PPARGC1A: variants seen among roughly 807,000 people sequenced by gnomAD.
The protein encoded by PPARGC1A is peroxisome proliferator-activated receptor gamma coactivator 1-alpha.
In PPARGC1A, 25 loss-of-function variants were observed where a neutral mutation model predicts 88.7. The ratio of observed to expected loss-of-function variants is 0.28; its 90% CI spans 0.21 to 0.39. The LOEUF is 0.39. Ranked by LOEUF, PPARGC1A falls within the 10% of genes least tolerant of loss-of-function variation. The pLI is 1.00. For synonymous variants in PPARGC1A, 363 were observed against 355.6 expected (o/e 1.02, Z -0.24); for missense variants, 880 against 968.7 (o/e 0.91, Z 1.22).
intron 1 of PPARGC1A, among the ~76,000 whole-genome samples, chr4:23,885,275 C>T (rs1173751763): frequency 3.3e-5 from 5 of 152,140 alleles, no homozygotes; most frequent in Non-Finnish European, 5.9e-5. Flanking sequence ...TTACTGCTTC[C>T]AAAGTTTTAA....
the PPARGC1A span, among the ~76,000 whole-genome samples, chr4:23,982,927 C>T: frequency 4.6e-5 from 7 of 152,236 alleles, no homozygotes; most frequent in African/African-American, 1.7e-4. Flanking sequence ...GGCTCACCAC[C>T]TGGTTTTATA....
chr4:24,393,263 G>A, the PPARGC1A span, among the ~76,000 whole-genome samples: 1 of 152,232 alleles, frequency 6.6e-6, no homozygotes, highest in African/African-American at 2.4e-5. Flanking sequence ...TGCAGGAGGA[G>A]GGGAAATTGC....
the PPARGC1A span, among the ~76,000 whole-genome samples, chr4:24,045,466 T>C: frequency 6.6e-6 from 1 of 152,094 alleles, no homozygotes; most frequent in South Asian, 2.1e-4. Flanking sequence ...AAGTCCAAAA[T>C]CAAGGTGTCA....
chr4:23,833,841 G>C (rs1725500676), intron 2 of PPARGC1A, among the ~76,000 whole-genome samples: 2 of 152,076 alleles, frequency 1.3e-5, no homozygotes, highest in South Asian at 4.1e-4. Flanking sequence ...TTTGAGTTTG[G>C]GTGCAACATG....
At chr4:24,232,891 T>C in the PPARGC1A span, among the ~76,000 whole-genome samples, 1 of 152,182 alleles carries the variant, frequency 6.6e-6, no homozygotes, top group Admixed American at 6.5e-5. Flanking sequence ...TCTGCATGCA[T>C]ATATTTATTG....
At chr4:24,427,323 C>T in the PPARGC1A span, among the ~76,000 whole-genome samples, 1 of 150,742 alleles carries the variant, frequency 6.6e-6, no homozygotes, top group Non-Finnish European at 1.5e-5. Flanking sequence ...CTCTGCTACC[C>T]AGGCTAGAGT....
the PPARGC1A span, among the ~76,000 whole-genome samples, chr4:24,122,451 AGAGAGAGAG>A: frequency 1.3e-4 from 19 of 150,522 alleles, no homozygotes; most frequent in African/African-American, 4.6e-4. Flanking sequence ...AGAGAGAGAG[AGAGAGAGAG>A]ATCTATATAA....
chr4:24,095,498 T>C, the PPARGC1A span, among the ~76,000 whole-genome samples: 2 of 152,072 alleles, frequency 1.3e-5, no homozygotes, highest in East Asian at 1.9e-4. Flanking sequence ...ATATGATTGA[T>C]GTCCTTATAA....
At chr4:23,855,689 C>A (rs893737885) in intron 2 of PPARGC1A, among the ~76,000 whole-genome samples, 87 of 152,172 alleles carry the variant, frequency 5.7e-4, no homozygotes, top group Admixed American at 5.6e-3. Context: ...AATAGCTTCT[C>A]ATCCCATGGG....
chr4:24,072,963 AAG>A, the PPARGC1A span, among the ~76,000 whole-genome samples: 1 of 152,172 alleles, frequency 6.6e-6, no homozygotes, highest in African/African-American at 2.4e-5. Flanking sequence ...ATACACAGAA[AAG>A]AGAAACTTGA....
At chr4:23,941,506 C>T in the PPARGC1A span, among the ~76,000 whole-genome samples, 1 of 152,186 alleles carries the variant, frequency 6.6e-6, no homozygotes, top group Non-Finnish European at 1.5e-5. Flanking sequence ...TTAGGAATCA[C>T]CTTCTAAAAT....
At chr4:24,147,649 A>G in the PPARGC1A span, among the ~76,000 whole-genome samples, 1 of 152,200 alleles carries the variant, frequency 6.6e-6, no homozygotes, top group Admixed American at 6.5e-5. Flanking sequence ...TTCTTCTGAG[A>G]GGGCATCTAG....
chr4:24,128,534 GT>G, the PPARGC1A span, among the ~76,000 whole-genome samples: 1 of 11,984 alleles, frequency 8.3e-5, no homozygotes, highest in Admixed American at 9.9e-4. Flanking sequence ...CTGTCACAGT[GT>G]GTGTGTGTGT....
At chr4:24,442,763 G>A in the PPARGC1A span, among the ~76,000 whole-genome samples, 9 of 152,242 alleles carry the variant, frequency 5.9e-5, no homozygotes, top group East Asian at 9.6e-4. Flanking sequence ...TGTTAGAGAT[G>A]GTATGCTAAA....
intron 12 of PPARGC1A, among the ~76,000 whole-genome samples, chr4:23,798,578 A>G (rs1718058821): frequency 6.6e-6 from 1 of 152,210 alleles, no homozygotes; most frequent in African/African-American, 2.4e-5. Flanking sequence ...TTTATAATGT[A>G]TGTGTCATTT....
the PPARGC1A span, among the ~76,000 whole-genome samples, chr4:24,212,888 T>C: frequency 1.4e-4 from 22 of 152,304 alleles, no homozygotes; most frequent in South Asian, 1.2e-3. Flanking sequence ...ATTAGGGACA[T>C]ACCTAAGAGC....
the PPARGC1A span, among the ~76,000 whole-genome samples, chr4:24,116,854 C>T: frequency 6.6e-6 from 1 of 152,166 alleles, no homozygotes; most frequent in African/African-American, 2.4e-5. Context: ...CAGCATTGCT[C>T]GTCGTACATT....
chr4:24,277,982 C>T, the PPARGC1A span, among the ~76,000 whole-genome samples: 2 of 151,986 alleles, frequency 1.3e-5, no homozygotes, highest in South Asian at 4.2e-4. Context: ...TGAGACCAGC[C>T]TGGGCTACAC....
At chr4:24,010,376 C>A in the PPARGC1A span, among the ~76,000 whole-genome samples, 5 of 152,054 alleles carry the variant, frequency 3.3e-5, no homozygotes, top group Non-Finnish European at 2.9e-5. Context: ...TCAGAAATAC[C>A]CAGAAATACA....
Sources: gnomAD v4.1 joint callset for allele counts (sites outside exome capture counted in the v4.1 genomes callset) on GRCh38, gnomAD v4.1.1 for gene constraint, MANE v1.5 for transcripts, NCBI Gene and HGNC (gene_info 2026-07-23, HGNC 2026-07-21) for gene names.